Variants in ARHGEF7 observed in about 807,000 individuals in gnomAD.
ARHGEF7 encodes Rho guanine nucleotide exchange factor 7, also known as PAK-interacting exchange factor beta.
ARHGEF7 carries 33 observed loss-of-function variants against 109.8 expected under a neutral mutation model. The ratio of observed to expected loss-of-function variants is 0.30; its 90% confidence interval spans 0.23 to 0.40. The LOEUF is 0.40. Ranked by LOEUF, ARHGEF7 falls within the 10% of genes least tolerant of loss-of-function variation. The pLI is 1.00. For missense variants in ARHGEF7, 938 were observed against 1,098.5 expected (o/e 0.85, Z 2.07); for synonymous variants, 458 against 424.6 (o/e 1.08, Z -0.97).
chr13:111,187,287 G>A (rs1030212390), intron 2 of ARHGEF7, among the ~76,000 whole-genome samples: 8 of 152,206 alleles, frequency 5.3e-5, no homozygotes, highest in African/African-American at 7.2e-5. Context: ...GGTTCACGTG[G>A]TGGGCTCTGG....
intron 1 of ARHGEF7, among the ~76,000 whole-genome samples, chr13:111,135,299 A>G (rs985529822): frequency 1.3e-5 from 2 of 152,054 alleles, no homozygotes; most frequent in Admixed American, 6.5e-5. Context: ...TTTTGGTTCC[A>G]TATGAACTTT....
At chr13:111,198,172 C>T (rs143640179) in intron 2 of ARHGEF7, among the ~76,000 whole-genome samples, 338 of 151,786 alleles carry the variant, frequency 2.2e-3, no homozygotes, top group Non-Finnish European at 3.4e-3. Context: ...GCCTGACACG[C>T]GTGTCTTTAG....
intron 2 of ARHGEF7, among the ~76,000 whole-genome samples, chr13:111,179,959 G>A (rs748206014): frequency 2.0e-5 from 3 of 152,172 alleles, no homozygotes; most frequent in Non-Finnish European, 4.4e-5. Flanking sequence ...ACCAGATCTC[G>A]GTTATAAGGG....
chr13:111,243,475 C>T (rs1458954018), intron 6 of ARHGEF7, among the ~76,000 whole-genome samples: 1 of 152,190 alleles, frequency 6.6e-6, no homozygotes, highest in Admixed American at 6.5e-5. Context: ...AGACTTAATA[C>T]AAATGGGATG....
At chr13:111,290,792 A>G (rs1344176902) in intron 18 of ARHGEF7, among the ~76,000 whole-genome samples, 1 of 152,224 alleles carries the variant, frequency 6.6e-6, no homozygotes, top group African/African-American at 2.4e-5. Flanking sequence ...GGGAGCTTGC[A>G]GTCATATATG....
chr13:111,221,492 CATATATAT>C (rs1297327824), intron 5 of ARHGEF7, among the ~76,000 whole-genome samples: 43 of 41,170 alleles, frequency 1.0e-3, no homozygotes, highest in East Asian at 4.1e-3. Context: ...TATATATAGA[CATATATAT>C]ATCTATATAT....
chr13:111,261,282 A>G (rs2091063891), intron 8 of ARHGEF7, among the ~76,000 whole-genome samples: 1 of 152,150 alleles, frequency 6.6e-6, no homozygotes, highest in African/African-American at 2.4e-5. Flanking sequence ...GGAAAAAGAT[A>G]CTCCATGCAA....
In ARHGEF7 at chr13:111,273,118, C is replaced by T. The variant is rs181775381; in HGVS notation, c.1074-696C>T. 7.2e-5 allele frequency among the ~76,000 whole-genome samples: 11 copies of T among 152,348 alleles called. No individual in the cohort carries two copies. The East Asian group carries it at 9.6e-4, about 13-fold the overall frequency. On this transcript the variant is annotated intron_variant, in intron 9 of 21. Transcript: ENST00000646102. This position sits in a 1 kb window ranked among gnomAD's most constrained non-coding sequence, Gnocchi z 4.5. ...TACACAGGGACACCTTCCTTCCTTA[C>T]GTGTTGTGAGGATTGAATGTAACAA... is the stretch of plus-strand genomic sequence containing the variant.
chr13:111,298,287 G>T (rs1357116202), intron 19 of ARHGEF7, among the ~76,000 whole-genome samples: 1 of 152,190 alleles, frequency 6.6e-6, no homozygotes, highest in Non-Finnish European at 1.5e-5. Flanking sequence ...AGAAACATGG[G>T]TACCCTTTGT....
At chr13:111,127,502 T>A (rs890135171) in intron 1 of ARHGEF7, among the ~76,000 whole-genome samples, 5 of 151,650 alleles carry the variant, frequency 3.3e-5, no homozygotes, top group African/African-American at 1.2e-4. Flanking sequence ...CAAAAAATTT[T>A]AAAAATTAGC....
intron 13 of ARHGEF7, among the ~76,000 whole-genome samples, chr13:111,278,117 A>C (rs894630217): frequency 6.6e-6 from 1 of 152,212 alleles, no homozygotes; most frequent in African/African-American, 2.4e-5. Context: ...TAAGGGTGTA[A>C]GTAGCAGTGT....
At chr13:111,187,890 A>G (rs769951821) in intron 2 of ARHGEF7, among the ~76,000 whole-genome samples, 18 of 152,222 alleles carry the variant, frequency 1.2e-4, no homozygotes, top group Non-Finnish European at 7.3e-5. Flanking sequence ...AGAAAAACCT[A>G]GCACTCTGAG....
intron 2 of ARHGEF7, chr13:111,202,916 C>T (rs1021014486): frequency 7.5e-6 from 2 of 268,060 alleles, no homozygotes; most frequent in Non-Finnish European, 6.6e-6. Context: ...CATTGTCTAG[C>T]TTCCTGTTGA....
chr13:111,170,339 C>G (rs149106028), intron 2 of ARHGEF7, among the ~76,000 whole-genome samples: 158 of 152,336 alleles, frequency 1.0e-3, no homozygotes, highest in African/African-American at 3.8e-3. Flanking sequence ...CTTAAGTGAT[C>G]CACCCGCCTT....
At chr13:111,261,959 C>G (rs556198744) in intron 8 of ARHGEF7, among the ~76,000 whole-genome samples, 1 of 152,234 alleles carries the variant, frequency 6.6e-6, no homozygotes, top group Non-Finnish European at 1.5e-5. Flanking sequence ...TGGGGTACAG[C>G]AAAAGCTGTA....
chr13:111,298,054 A>G (rs2093465641), intron 19 of ARHGEF7, among the ~76,000 whole-genome samples: 1 of 152,252 alleles, frequency 6.6e-6, no homozygotes, highest in Non-Finnish European at 1.5e-5. Flanking sequence ...TCAAAGCAGG[A>G]CAACTGGATA....
At chr13:111,260,484 A>G (rs2090969730) in intron 8 of ARHGEF7, among the ~76,000 whole-genome samples, 1 of 152,262 alleles carries the variant, frequency 6.6e-6, no homozygotes, top group African/African-American at 2.4e-5. Context: ...TGAAAGCAAA[A>G]ACCTTTTATC....
chr13:111,250,127 A>G (rs920302542), intron 8 of ARHGEF7, among the ~76,000 whole-genome samples: 1 of 152,192 alleles, frequency 6.6e-6, no homozygotes, highest in Non-Finnish European at 1.5e-5. Context: ...TCCTTTCATC[A>G]GCTGTAGAGG....
At chr13:111,144,962 CTT>C (rs1354867619) in intron 1 of ARHGEF7, among the ~76,000 whole-genome samples, 4 of 152,124 alleles carry the variant, frequency 2.6e-5, no homozygotes, top group Non-Finnish European at 5.9e-5. Context: ...GTAGGGAACT[CTT>C]GTTAAGTGGC....
Sources: allele counts gnomAD v4.1 joint callset (sites outside exome capture counted in the v4.1 genomes callset), GRCh38; gene constraint gnomAD v4.1.1; non-coding constraint Gnocchi (gnomAD v3.1); transcripts MANE v1.5; gene names NCBI Gene and HGNC (gene_info 2026-07-23, HGNC 2026-07-21).